The following PAK1 variants were observed in gnomAD, a reference collection of about 807,000 sequenced individuals.
PAK1 encodes serine/threonine-protein kinase PAK 1.
PAK1 carries 29 observed loss-of-function variants against 67.4 expected under a neutral mutation model. The observed-to-expected ratio is 0.43, with a 90% CI of 0.32 to 0.59. The LOEUF is 0.59. Ranked by LOEUF, PAK1 falls within the 20% of genes least tolerant of loss-of-function variation. The pLI, the probability that PAK1 is intolerant of heterozygous loss-of-function variation, is 0.07. For synonymous variants in PAK1, 223 were observed against 237.4 expected (o/e 0.94, Z 0.56); for missense variants, 337 against 670.7 (o/e 0.50, Z 5.50).
Position 77,473,558 on chromosome 11 carries a change from C to T in PAK1, c.-28G>A, listed in dbSNP as rs1021793506. On this transcript the variant is annotated 5_prime_UTR_variant, in exon 1 of 15. Transcript: ENST00000356341. Reference sequence around the variant, plus strand: ...GCGGTAGGCCCGCTCTCACCTTCCGCGCTCGCTCAGCTCCTCTCGGCTCCT... The same window carrying T: ...GCGGTAGGCCCGCTCTCACCTTCCGTGCTCGCTCAGCTCCTCTCGGCTCCT... 2.6e-5 allele frequency: 4 copies of T among 152,828 alleles called. No individual in the cohort carries two copies. Among genetic ancestry groups the T allele is most frequent in the Non-Finnish European group, 4.4e-5 (3 of 68,538 alleles). The allele number at this position is 152,828 out of a possible 1,614,324, so 9.5% of individuals were successfully genotyped here.
chr11:77,510,695 A>G, the PAK1 span, among the ~76,000 whole-genome samples: 1 of 152,180 alleles, frequency 6.6e-6, no homozygotes, highest in African/African-American at 2.4e-5. Flanking sequence ...TTCACATATG[A>G]TATTATTCGT....
chr11:77,407,200 C>T (rs574872849), intron 1 of PAK1, among the ~76,000 whole-genome samples: 3 of 152,020 alleles, frequency 2.0e-5, no homozygotes, highest in South Asian at 4.2e-4. Flanking sequence ...CTTTTAAGTC[C>T]CCCTTCCCCT....
chr11:77,518,044 C>T, the PAK1 span, among the ~76,000 whole-genome samples: 1 of 152,222 alleles, frequency 6.6e-6, no homozygotes, highest in Non-Finnish European at 1.5e-5. Context: ...CAATAAAACT[C>T]TGCCCACTTT....
chr11:77,415,845 T>A (rs1954917477), intron 1 of PAK1, among the ~76,000 whole-genome samples: 1 of 152,116 alleles, frequency 6.6e-6, no homozygotes, highest in African/African-American at 2.4e-5. Flanking sequence ...GTTTTTACTT[T>A]ATAAACTTTT....
At chr11:77,361,973 C>T (rs541770012) in intron 5 of PAK1, among the ~76,000 whole-genome samples, 1 of 152,126 alleles carries the variant, frequency 6.6e-6, no homozygotes, top group African/African-American at 2.4e-5. Context: ...TTTTTGAAAA[C>T]AAGATACTAG....
chr11:77,477,415 C>G (rs924597501), upstream of PAK1, among the ~76,000 whole-genome samples: 2 of 151,968 alleles, frequency 1.3e-5, no homozygotes, highest in Non-Finnish European at 2.9e-5. Context: ...GTGGCCTATA[C>G]ATACATTTAA....
the PAK1 span, among the ~76,000 whole-genome samples, chr11:77,484,413 T>C: frequency 6.6e-6 from 1 of 152,198 alleles, no homozygotes; most frequent in South Asian, 2.1e-4. Context: ...GTGGATGTGG[T>C]ATATTAGTGC....
Position 77,399,989 on chromosome 11 carries a change from T to G in PAK1, c.-21-7448A>C, listed in dbSNP as rs527389450. Among the ~76,000 whole-genome samples the G allele has an allele frequency of 3.3e-5, 5 of 150,402 alleles. No individual in the cohort carries two copies. The South Asian group carries it at 1.1e-3, about 32-fold the overall frequency. ...GTTAATGGTAGGAGAATCTAGGTGG[T>G]GGGTACACAGGTACTCACTGTAAGA... On this transcript the variant is annotated intron_variant, in intron 1 of 14. Transcript: ENST00000356341.
intron 1 of PAK1, among the ~76,000 whole-genome samples, chr11:77,456,747 T>C (rs1171066217): frequency 6.6e-6 from 1 of 151,922 alleles, no homozygotes; most frequent in Non-Finnish European, 1.5e-5. Context: ...TTTGGTTTTT[T>C]GTTTTTTTTT....
rs72941640 is a variant in PAK1, at chr11:77,388,107, T to C, written c.190+4224A>G. Among the ~76,000 whole-genome samples the C allele has an allele frequency of 8.6e-3, 1,311 of 152,344 alleles. 35 individuals carry two copies. Among genetic ancestry groups the C allele is most frequent in the East Asian group, 0.015 (78 of 5,190 alleles). Reference sequence around the variant, plus strand: ...TAGATCATTTTGCAAGAACTTCTTATAACTCTGTATGTTTTCTACCTCTAT... The same window carrying C: ...TAGATCATTTTGCAAGAACTTCTTACAACTCTGTATGTTTTCTACCTCTAT... On this transcript the variant is annotated intron_variant, in intron 2 of 14. Transcript: ENST00000356341.
At chr11:77,448,361 G>T (rs1347012832) in intron 1 of PAK1, among the ~76,000 whole-genome samples, 1 of 152,194 alleles carries the variant, frequency 6.6e-6, no homozygotes, top group African/African-American at 2.4e-5. Context: ...CCTTGGAAGG[G>T]TTGTTTTGAA....
chr11:77,440,901 T>TGCTCCTCCCACCTCTACCTC (rs1956326418), intron 1 of PAK1, among the ~76,000 whole-genome samples: 4 of 151,876 alleles, frequency 2.6e-5, no homozygotes, highest in African/African-American at 9.7e-5. Context: ...CACCTCTACC[T>TGCTCCTCCCACCTCTACCTC]CCTCCATTAG....
chr11:77,443,149 C>A (rs1956433581), intron 1 of PAK1, among the ~76,000 whole-genome samples: 1 of 151,734 alleles, frequency 6.6e-6, no homozygotes, highest in South Asian at 2.1e-4. Flanking sequence ...ATGGTAAAAC[C>A]CCGTCTCTAC....
chr11:77,456,283 C>A (rs111788042), intron 1 of PAK1, among the ~76,000 whole-genome samples: 4,853 of 151,860 alleles, frequency 0.032, 130 homozygotes, highest in African/African-American at 0.074. Context: ...AGGATACCCA[C>A]AAAGATCAAA....
chr11:77,510,531 C>G, the PAK1 span, among the ~76,000 whole-genome samples: 2 of 152,128 alleles, frequency 1.3e-5, no homozygotes, highest in African/African-American at 4.8e-5. Flanking sequence ...GTACACCGCA[C>G]CTGGCCAGCT....
chr11:77,356,015 A>C (rs1191192461), intron 6 of PAK1, 173 bp from the exon 7 acceptor site: 1 of 558,282 alleles, frequency 1.8e-6, no homozygotes, highest in Non-Finnish European at 3.2e-6. Flanking sequence ...ATTCTGGGTA[A>C]AATGGCCTTC....
At chr11:77,352,853 T>G (rs552323) in intron 8 of PAK1, among the ~76,000 whole-genome samples, 36,722 of 152,122 alleles carry the variant, frequency 0.24, 5,052 homozygotes, top group Non-Finnish European at 0.31. Flanking sequence ...TAGGCTATAC[T>G]ATTTAGTTTT....
intron 5 of PAK1, among the ~76,000 whole-genome samples, chr11:77,359,466 G>T (rs1946485920): frequency 6.6e-6 from 1 of 152,068 alleles, no homozygotes; most frequent in Non-Finnish European, 1.5e-5. Context: ...TATGGTAAAT[G>T]GCAGTCTAAA....
chr11:77,516,614 T>A, the PAK1 span, among the ~76,000 whole-genome samples: 22 of 152,272 alleles, frequency 1.4e-4, no homozygotes, highest in East Asian at 4.2e-3. Flanking sequence ...GGTGGTCAAG[T>A]GACTAGAGCA....
Sources: allele counts gnomAD v4.1 joint callset (sites outside exome capture counted in the v4.1 genomes callset), GRCh38; gene constraint gnomAD v4.1.1; transcripts MANE v1.5; gene names NCBI Gene and HGNC (gene_info 2026-07-23, HGNC 2026-07-21).